Variants in SLIT2 observed in about 807,000 individuals in gnomAD.
SLIT2 encodes the protein slit guidance ligand 2.
Under a neutral mutation model 185.7 loss-of-function variants are expected in SLIT2, and 41 were observed. The ratio of observed to expected loss-of-function variants is 0.22; its 90% CI spans 0.17 to 0.29. The LOEUF is 0.29. Ranked by LOEUF, SLIT2 falls within the 10% of genes least tolerant of loss-of-function variation. SLIT2 has a pLI of 1.00. For synonymous variants in SLIT2, 693 were observed against 680.2 expected (o/e 1.02, Z -0.29); for missense variants, 1,571 against 1,909.0 (o/e 0.82, Z 3.30).
chr4:20,505,249 A>C (rs1207143082), intron 9 of SLIT2, among the ~76,000 whole-genome samples: 2 of 152,118 alleles, frequency 1.3e-5, no homozygotes, highest in African/African-American at 4.8e-5. Context: ...CAGCGAAAGA[A>C]AATAGCTTTT....
chr4:20,447,452 C>T (rs771421438), intron 4 of SLIT2, among the ~76,000 whole-genome samples: 1 of 152,262 alleles, frequency 6.6e-6, no homozygotes, highest in Non-Finnish European at 1.5e-5. Context: ...CAAAAGAGGC[C>T]ATTGTTGAAA....
intron 4 of SLIT2, among the ~76,000 whole-genome samples, chr4:20,375,136 C>G (rs1049910336): frequency 3.3e-5 from 5 of 151,992 alleles, no homozygotes; most frequent in Non-Finnish European, 7.4e-5. Flanking sequence ...AAAATTTTAG[C>G]TTAGTGATCT....
intron 4 of SLIT2, among the ~76,000 whole-genome samples, chr4:20,384,603 G>A (rs1368240704): frequency 6.6e-6 from 1 of 152,134 alleles, no homozygotes; most frequent in African/African-American, 2.4e-5. Context: ...TCACTAATTG[G>A]TTCAGAGTTG....
At chr4:20,328,817 G>A (rs1343520778) in intron 4 of SLIT2, among the ~76,000 whole-genome samples, 1 of 152,004 alleles carries the variant, frequency 6.6e-6, no homozygotes, top group African/African-American at 2.4e-5. Context: ...TAATGGATAA[G>A]TGACTTTGAG....
chr4:20,532,108 G>C (rs372817444), intron 17 of SLIT2, 50 bp downstream of exon 17: 9 of 1,023,930 alleles, frequency 8.8e-6, no homozygotes, highest in Middle Eastern at 2.2e-4. Flanking sequence ...TTTTTTGGGT[G>C]TTCATTTCAG....
Position 20,581,755 on chromosome 4 carries a change from C to G in SLIT2, c.3089-7889C>G, listed in dbSNP as rs535950778. On this transcript the variant is annotated intron_variant, in intron 29 of 36. Transcript: ENST00000504154. ...CAGAGTTCTCTCTTTCTCTCTCTTT[C>G]TTTCTTTCCAGAATTTCGCTCTTCA... Among the ~76,000 whole-genome samples, 12 of 152,202 alleles carry G rather than the reference C, an allele frequency of 7.9e-5. No individual in the cohort carries two copies. In the South Asian group the frequency reaches 2.3e-3, roughly 29 times the overall value.
intron 4 of SLIT2, among the ~76,000 whole-genome samples, chr4:20,446,041 C>T (rs531322168): frequency 1.3e-5 from 2 of 152,314 alleles, no homozygotes; most frequent in Admixed American, 6.5e-5. Flanking sequence ...ACCAGCTGTT[C>T]CCATCTCTGT....
chr4:20,333,155 G>A (rs1026350219), intron 4 of SLIT2, among the ~76,000 whole-genome samples: 1 of 152,106 alleles, frequency 6.6e-6, no homozygotes, highest in African/African-American at 2.4e-5. Context: ...TATACATATT[G>A]AAATGAAAGC....
chr4:20,613,126 A>G (rs1382842064), intron 34 of SLIT2, among the ~76,000 whole-genome samples: 1 of 152,170 alleles, frequency 6.6e-6, no homozygotes, highest in Admixed American at 6.6e-5. Context: ...TAGAGCTACC[A>G]TTCAACCCAG....
chr4:20,618,635 A>G, intron 36 of SLIT2, 133 bp from the exon 37 acceptor site: 1 of 869,530 alleles, frequency 1.2e-6, no homozygotes. Context: ...AGGCCGTGCC[A>G]CCAGCTAATA....
At chr4:20,387,488 G>T (rs375469635) in intron 4 of SLIT2, among the ~76,000 whole-genome samples, 1 of 151,988 alleles carries the variant, frequency 6.6e-6, no homozygotes, top group Non-Finnish European at 1.5e-5. Flanking sequence ...CTAGATTTTC[G>T]TATCAGCTTC....
intron 30 of SLIT2, among the ~76,000 whole-genome samples, chr4:20,591,127 T>C (rs1028466356): frequency 3.3e-5 from 5 of 152,204 alleles, no homozygotes; most frequent in African/African-American, 1.2e-4. Context: ...TACCATCTTA[T>C]GATTTTGTAG....
At chr4:20,307,599 C>T (rs1322560408) in intron 4 of SLIT2, among the ~76,000 whole-genome samples, 1 of 152,024 alleles carries the variant, frequency 6.6e-6, no homozygotes, top group East Asian at 1.9e-4. Flanking sequence ...AATACTTGTT[C>T]AATCTATATA....
intron 4 of SLIT2, among the ~76,000 whole-genome samples, chr4:20,269,863 C>A (rs1054065958): frequency 1.3e-5 from 2 of 151,822 alleles, no homozygotes; most frequent in East Asian, 3.9e-4. Context: ...CCCTTCACCC[C>A]CAAGAATAGC....
At chr4:20,565,060 A>G (rs1724986509) in intron 26 of SLIT2, among the ~76,000 whole-genome samples, 1 of 151,972 alleles carries the variant, frequency 6.6e-6, no homozygotes, top group South Asian at 2.1e-4. Flanking sequence ...AGTGTATTCC[A>G]TTTTCTTCCC....
At chr4:20,560,127 T>C (rs1390297529) in intron 26 of SLIT2, among the ~76,000 whole-genome samples, 2 of 151,944 alleles carry the variant, frequency 1.3e-5, no homozygotes, top group African/African-American at 4.8e-5. Flanking sequence ...TTCCCTCTAG[T>C]TATGCCAGTC....
At chr4:20,554,586 CAAG>C (rs1724076253) in intron 26 of SLIT2, among the ~76,000 whole-genome samples, 1 of 151,980 alleles carries the variant, frequency 6.6e-6, no homozygotes. Flanking sequence ...TTATTTTCTG[CAAG>C]AAGAAATAAA....
In SLIT2 at chr4:20,254,053, A is replaced by T; in HGVS notation, c.179+59A>T. 1 of 1,527,414 alleles carries T rather than the reference A, an allele frequency of 6.5e-7. No individual in the cohort carries two copies. The highest frequency in any genetic ancestry group is 8.9e-7 in the Non-Finnish European group (1 of 1,126,322). The allele number at this position is 1,527,414 out of a possible 1,614,324, so 94.6% of individuals were successfully genotyped here. On this transcript the variant is annotated intron_variant, in intron 1 of 36. Coordinates refer to ENST00000504154, the MANE Select transcript of SLIT2 (RefSeq NM_004787.4). The surrounding 1 kb of genome is among the most constrained non-coding windows in gnomAD (Gnocchi z 5.1). ...ATCCGGGCCGCGCACCCCTGCCTCC[A>T]CTGGAGGAACCTGTCAGCTCAGGGT... is the stretch of plus-strand genomic sequence containing the variant.
chr4:20,393,868 G>GC (rs1725658243), intron 4 of SLIT2, among the ~76,000 whole-genome samples: 1 of 152,054 alleles, frequency 6.6e-6, no homozygotes, highest in African/African-American at 2.4e-5. Context: ...TGAGCCACGT[G>GC]CATTAACACT....
Sources: gnomAD v4.1 joint callset for allele counts (sites outside exome capture counted in the v4.1 genomes callset) on GRCh38, gnomAD v4.1.1 for gene constraint, Gnocchi (gnomAD v3.1) non-coding constraint, MANE v1.5 for transcripts, NCBI Gene and HGNC (gene_info 2026-07-23, HGNC 2026-07-21) for gene names.